SRRM4: variants seen among roughly 807,000 people sequenced by gnomAD.
SRRM4 encodes the protein serine/arginine repetitive matrix protein 4.
SRRM4 carries 33 observed loss-of-function variants against 68.9 expected under a neutral mutation model. The ratio of observed to expected loss-of-function variants is 0.48; its 90% confidence interval spans 0.36 to 0.64. The LOEUF (loss-of-function observed/expected upper bound fraction) is 0.64, where lower values mean the gene tolerates loss of function less well. SRRM4 is among the 30% of genes least tolerant of loss of function. The pLI, the probability that SRRM4 is intolerant of heterozygous loss-of-function variation, is 0.00. For missense variants in SRRM4, 817 were observed against 827.1 expected (o/e 0.99, Z 0.15); for synonymous variants, 318 against 318.8 (o/e 1.00, Z 0.03).
intron 12 of SRRM4, 144 bp from the exon 13 acceptor site, chr12:119,156,351 T>G: frequency 3.1e-6 from 4 of 1,282,186 alleles, no homozygotes; most frequent in Non-Finnish European, 3.2e-6. Flanking sequence ...TTCTCAGCAC[T>G]GCAAGAGAAG....
intron 1 of SRRM4, among the ~76,000 whole-genome samples, chr12:118,991,220 C>T (rs1221636829): frequency 2.0e-5 from 3 of 152,226 alleles, no homozygotes; most frequent in African/African-American, 7.2e-5. Context: ...CTCACTTCCT[C>T]TGTTTAGTTG....
intron 1 of SRRM4, among the ~76,000 whole-genome samples, chr12:118,988,907 G>A (rs937691408): frequency 2.0e-5 from 3 of 152,152 alleles, no homozygotes; most frequent in Admixed American, 2.0e-4. Flanking sequence ...TGAGCTGTGA[G>A]GATAAGTGAG....
intron 7 of SRRM4, among the ~76,000 whole-genome samples, chr12:119,128,872 T>G (rs902102319): frequency 6.6e-6 from 1 of 152,248 alleles, no homozygotes; most frequent in Non-Finnish European, 1.5e-5. Flanking sequence ...CCGGGCCTCC[T>G]CTGCTGTCCC....
At chr12:119,020,846 T>C (rs1163101051) in intron 1 of SRRM4, among the ~76,000 whole-genome samples, 2 of 152,124 alleles carry the variant, frequency 1.3e-5, no homozygotes, top group African/African-American at 4.8e-5. Flanking sequence ...GGAAGGACTT[T>C]TACAAAGAAA....
In SRRM4 at chr12:119,149,076, G is replaced by A. The variant is rs7299401; in HGVS notation, c.1077-1941G>A. Among the ~76,000 whole-genome samples, 1,451 of 152,300 alleles carry A rather than the reference G, an allele frequency of 9.5e-3. 28 individuals are homozygous for A. Among genetic ancestry groups the A allele is most frequent in the African/African-American group, 0.033 (1,368 of 41,556 alleles). Reference sequence around the variant, plus strand: ...GTAATAATAGCATTGGCAGCTGGGCGCAGTGGCTCATGCCTGTAATCCCAG... The same window carrying A: ...GTAATAATAGCATTGGCAGCTGGGCACAGTGGCTCATGCCTGTAATCCCAG... On this transcript the variant is annotated intron_variant, in intron 9 of 12. Coordinates refer to ENST00000267260, the MANE Select transcript of SRRM4 (RefSeq NM_194286.4).
chr12:119,055,194 CT>C (rs1465496648), intron 1 of SRRM4, among the ~76,000 whole-genome samples: 2 of 152,084 alleles, frequency 1.3e-5, no homozygotes, highest in Non-Finnish European at 2.9e-5. Flanking sequence ...GATTTATGGG[CT>C]ACACAGGAGG....
rs745967402 is a variant in SRRM4, at chr12:119,160,375, A to C, written c.*3577A>C. On this transcript the variant is annotated 3_prime_UTR_variant, in exon 13 of 13. Transcript: ENST00000267260. ...TTTCCTTTTTTTCTATCCAAAAACAATGTGCTTGTTGAGGCACTGGTAACC... is the reference window on the plus strand; with the variant it reads ...TTTCCTTTTTTTCTATCCAAAAACACTGTGCTTGTTGAGGCACTGGTAACC... 3.3e-5 allele frequency: 5 copies of C among 151,748 alleles called. No homozygotes were observed. The highest frequency in any genetic ancestry group is 2.0e-4 in the Admixed American group (3 of 15,222). 9.4% of individuals were successfully genotyped at this position (151,748 alleles called of 1,614,324 possible).
chr12:119,127,510 C>T (rs1163154621), intron 7 of SRRM4, among the ~76,000 whole-genome samples: 1 of 152,064 alleles, frequency 6.6e-6, no homozygotes, highest in African/African-American at 2.4e-5. Context: ...GGCAGATCAC[C>T]TGAGGTCAGG....
At chr12:118,983,802 G>A (rs1364335297) in intron 1 of SRRM4, among the ~76,000 whole-genome samples, 2 of 152,092 alleles carry the variant, frequency 1.3e-5, no homozygotes, top group East Asian at 3.9e-4. Flanking sequence ...GGTCATATTT[G>A]CAATCACATG....
At chr12:119,139,633 C>T (rs1262090107) in intron 8 of SRRM4, among the ~76,000 whole-genome samples, 1 of 152,160 alleles carries the variant, frequency 6.6e-6, no homozygotes, top group Non-Finnish European at 1.5e-5. Flanking sequence ...TGGAGTAAGA[C>T]GATTTACTCA....
At chr12:119,142,644 C>T (rs184110018) in intron 8 of SRRM4, among the ~76,000 whole-genome samples, 173 of 152,338 alleles carry the variant, frequency 1.1e-3, no homozygotes, top group African/African-American at 4.1e-3. Flanking sequence ...ATTGTACTCA[C>T]AGGCCCCTGT....
intron 1 of SRRM4, among the ~76,000 whole-genome samples, chr12:119,023,850 T>C (rs1242849138): frequency 2.6e-5 from 4 of 152,156 alleles, no homozygotes; most frequent in African/African-American, 4.8e-5. Flanking sequence ...CAATACGTAT[T>C]CCAATAGATA....
At chr12:119,123,566 C>T (rs1954237353) in intron 6 of SRRM4, among the ~76,000 whole-genome samples, 1 of 151,888 alleles carries the variant, frequency 6.6e-6, no homozygotes, top group Admixed American at 6.6e-5. Flanking sequence ...TCCCCGCTGG[C>T]AAGAGCTGGA....
chr12:119,139,671 T>C (rs1391378193), intron 8 of SRRM4, among the ~76,000 whole-genome samples: 1 of 152,156 alleles, frequency 6.6e-6, no homozygotes, highest in East Asian at 1.9e-4. Flanking sequence ...AGGGACATGA[T>C]GTCATGCTGG....
chr12:119,145,187 T>TA (rs371536458), intron 8 of SRRM4, among the ~76,000 whole-genome samples, 194 bp from the exon 9 acceptor site: 2,492 of 150,412 alleles, frequency 0.017, 75 homozygotes, highest in African/African-American at 0.056. Flanking sequence ...TAGCAGGGGG[T>TA]AAAAAAAAAA....
At chr12:119,131,690 T>C (rs550135569) in intron 8 of SRRM4, among the ~76,000 whole-genome samples, 5 of 152,310 alleles carry the variant, frequency 3.3e-5, no homozygotes, top group South Asian at 2.1e-4. Flanking sequence ...CATTTTCTCA[T>C]TGGTAAACTT....
chr12:119,100,324 C>CAAAAAAAAAA (rs1460123140), intron 1 of SRRM4, among the ~76,000 whole-genome samples: 1 of 26,128 alleles, frequency 3.8e-5, no homozygotes, highest in Non-Finnish European at 7.2e-5. Flanking sequence ...GACCCTGTCT[C>CAAAAAAAAAA]TACAAAAAAA....
At chr12:119,073,295 T>TTC (rs1463113465) in intron 1 of SRRM4, among the ~76,000 whole-genome samples, 4 of 140,668 alleles carry the variant, frequency 2.8e-5, no homozygotes, top group African/African-American at 8.2e-5. Context: ...GAGTCTCTAT[T>TTC]TCTCTCTCTC....
intron 8 of SRRM4, among the ~76,000 whole-genome samples, chr12:119,134,768 T>C (rs904062430): frequency 6.6e-6 from 1 of 152,208 alleles, no homozygotes; most frequent in African/African-American, 2.4e-5. Flanking sequence ...ATGTCACTCC[T>C]GGCAGTGATG....
Sources: gnomAD v4.1 joint callset for allele counts (sites outside exome capture counted in the v4.1 genomes callset) on GRCh38, gnomAD v4.1.1 for gene constraint, MANE v1.5 for transcripts, NCBI Gene and HGNC (gene_info 2026-07-23, HGNC 2026-07-21) for gene names.